The following HERC2 variants were observed in gnomAD, a reference collection of about 807,000 sequenced individuals.
HERC2 encodes the protein HECT and RLD domain containing E3 ubiquitin protein ligase 2, also known as E3 ubiquitin-protein ligase HERC2.
HERC2 carries 102 observed loss-of-function variants against 537.7 expected under a neutral mutation model. The ratio of observed to expected loss-of-function variants is 0.19; its 90% CI spans 0.16 to 0.22. HERC2 has a LOEUF of 0.22. HERC2 is among the 10% of genes least tolerant of loss of function. The pLI is 1.00. For missense variants in HERC2, 4,236 were observed against 6,198.2 expected, an observed-to-expected ratio of 0.68 and a Z score of 10.63; for synonymous variants, 2,224 against 2,466.2, an observed-to-expected ratio of 0.90 and a Z score of 2.91.
intron 78 of HERC2, among the ~76,000 whole-genome samples, chr15:28,139,885 C>T (rs971920992): frequency 3.3e-5 from 5 of 149,568 alleles, no homozygotes; most frequent in Admixed American, 6.6e-5. Context: ...ATGGCGAAAC[C>T]CCATCTCTAC....
At position 28,169,664 on chromosome 15, in the gene HERC2, G is replaced by C; in HGVS notation, c.10058-9C>G. 1 of 1,594,086 alleles carries C rather than the reference G, an allele frequency of 6.3e-7. No homozygotes were observed. Among genetic ancestry groups the C allele is most frequent in the Middle Eastern group, 1.7e-4 (1 of 5,952 alleles). On this transcript the variant is annotated splice_polypyrimidine_tract_variant and intron_variant, in intron 65 of 92. Transcript: ENST00000261609. Reference sequence around the variant, plus strand: ...AGCATCTGAAGGCACGCCTATAAGAGGAAAATAAAATTTGCATTGTTTTTA... The same window carrying C: ...AGCATCTGAAGGCACGCCTATAAGACGAAAATAAAATTTGCATTGTTTTTA...
In HERC2 at chr15:28,263,110, C is replaced by G. The variant is rs1196287512; in HGVS notation, c.1930G>C (p.Gly644Arg). 1 of 1,614,076 alleles carries G rather than the reference C, an allele frequency of 6.2e-7. No homozygotes were observed. Among genetic ancestry groups the G allele is most frequent in the Non-Finnish European group, 8.5e-7 (1 of 1,180,022 alleles). ...TCAATCAGCTTTGGGGTTTTGCAGCCATCACTACCACCTCTGCCCAATTTC... is the reference window on the plus strand; with the variant it reads ...TCAATCAGCTTTGGGGTTTTGCAGCGATCACTACCACCTCTGCCCAATTTC... The part of the protein sequence containing the change: ...YGKLGRGGSD[G>R]CKTPKLIEKL... The change falls in exon 15 of 93, where the codon GGC becomes CGC. Residue 644 changes from glycine to arginine, a missense_variant. Physicochemically the swap from Gly to Arg is moderately radical, Grantham distance 125 (BLOSUM62 -2). This residue lies in a region of HERC2 where 754 missense variants were observed against 1,085.0 expected (regional missense o/e 0.69). Coordinates refer to ENST00000261609, the MANE Select transcript of HERC2 (RefSeq NM_004667.6).
chr15:28,128,528 A>G (rs1277529959), intron 83 of HERC2, among the ~76,000 whole-genome samples: 1 of 152,264 alleles, frequency 6.6e-6, no homozygotes. Context: ...TACAGGCCAC[A>G]GAAGTTGCTC....
At chr15:28,314,050 T>C (rs886346118) in intron 2 of HERC2, among the ~76,000 whole-genome samples, 3 of 152,162 alleles carry the variant, frequency 2.0e-5, no homozygotes, top group African/African-American at 7.2e-5. Context: ...TCGCATTCTC[T>C]CAATTTCCAA....
intron 65 of HERC2, among the ~76,000 whole-genome samples, chr15:28,169,931 T>C (rs1894525296): frequency 6.6e-6 from 1 of 152,232 alleles, no homozygotes; most frequent in South Asian, 2.1e-4. Flanking sequence ...GTTATATACA[T>C]ATAAACTATG....
In HERC2 at chr15:28,111,664, C is replaced by G. The variant is rs577786319; in HGVS notation, c.*99G>C. On this transcript the variant is annotated 3_prime_UTR_variant, in exon 93 of 93. Transcript: ENST00000261609. ...TCCTCCCGCCTGGCTCGAGGACGGA[C>G]GCTTCTCATCAGACACACCAGGCAG... is the stretch of plus-strand genomic sequence containing the variant. The G allele has an allele frequency of 7.6e-7, 1 of 1,320,400 alleles. No individual in the cohort carries two copies. The highest frequency in any genetic ancestry group is 2.3e-5 in the East Asian group (1 of 42,848). The allele number at this position is 1,320,400 out of a possible 1,614,324, so 81.8% of individuals were successfully genotyped here.
intron 4 of HERC2, among the ~76,000 whole-genome samples, chr15:28,283,181 T>C (rs1442045225): frequency 6.6e-6 from 1 of 152,042 alleles, no homozygotes; most frequent in Non-Finnish European, 1.5e-5. Flanking sequence ...TTCCCAAATT[T>C]GGCAAGAGAC....
At chr15:28,277,463 TAA>T (rs34192629) in intron 5 of HERC2, among the ~76,000 whole-genome samples, 3 of 137,528 alleles carry the variant, frequency 2.2e-5, no homozygotes, top group Admixed American at 7.1e-5. Context: ...CACAATTATC[TAA>T]AAAAAAAAAA....
intron 81 of HERC2, 109 bp downstream of exon 81, chr15:28,131,991 C>A (rs555032147): frequency 1.5e-5 from 14 of 926,112 alleles, no homozygotes; most frequent in African/African-American, 3.4e-5. Context: ...AAGGAGCACA[C>A]ACGGGGGACA....
At position 28,176,555 on chromosome 15, in the gene HERC2, G is replaced by A. The variant is rs1266017411; in HGVS notation, c.9559C>T (p.Arg3187Trp). The A allele has an allele frequency of 1.2e-6, 2 of 1,613,912 alleles. No homozygotes were observed. The highest frequency in any genetic ancestry group is 1.3e-5 in the African/African-American group (1 of 74,870). Residue 3187 changes from arginine to tryptophan, a missense_variant, in exon 63 of 93, where the codon CGG becomes TGG. Coordinates refer to ENST00000261609, the MANE Select transcript of HERC2 (RefSeq NM_004667.6). The surrounding 1 kb of genome is among the most constrained non-coding windows in gnomAD (Gnocchi z 5.0). ...WGDGDFGKLG[R>W]GGSEGCNIPQ... ...ATGTTACAGCCTTCACTTCCGCCCC[G>A]GCCCAGTTTTCCAAAGTCACCATCA...
intron 23 of HERC2, among the ~76,000 whole-genome samples, chr15:28,242,441 C>T (rs1179400776): frequency 3.3e-5 from 5 of 152,160 alleles, no homozygotes; most frequent in Non-Finnish European, 7.3e-5. Context: ...GTGTTTCCCT[C>T]GACAAACTAA....
chr15:28,173,766 G>A (rs1410655989), intron 65 of HERC2, among the ~76,000 whole-genome samples: 2 of 144,388 alleles, frequency 1.4e-5, no homozygotes, highest in Non-Finnish European at 3.0e-5. Context: ...TCGTGCCACT[G>A]CACTCCAGAG....
In HERC2 at chr15:28,116,791, T is replaced by G; in HGVS notation, c.13483A>C (p.Asn4495His). 19 of 1,613,972 alleles carry G rather than the reference T, an allele frequency of 1.2e-5. No homozygotes were observed. The highest frequency in any genetic ancestry group is 1.6e-5 in the Non-Finnish European group (19 of 1,180,004). Reference sequence around the variant, plus strand: ...ACGATCAGCAGGGGCGTGAGTCCGTTCTGCAGCTCCTCACAGATCTCAGCT... The same window carrying G: ...ACGATCAGCAGGGGCGTGAGTCCGTGCTGCAGCTCCTCACAGATCTCAGCT... ...SIAEICEELQ[N>H]GLTPLLIVTP... The change falls in exon 88 of 93, where the codon AAC (asparagine) becomes CAC (histidine). Residue 4495 changes from asparagine to histidine, a missense_variant. Physicochemically the swap from Asn to His is moderately conservative, Grantham distance 68 (BLOSUM62 1). Coordinates refer to ENST00000261609, the MANE Select transcript of HERC2 (RefSeq NM_004667.6).
intron 10 of HERC2, among the ~76,000 whole-genome samples, chr15:28,270,109 A>G (rs1316228348): frequency 6.6e-6 from 1 of 152,030 alleles, no homozygotes; most frequent in Non-Finnish European, 1.5e-5. Context: ...TTACAGGCAT[A>G]TGCCACCATG....
intron 3 of HERC2, among the ~76,000 whole-genome samples, chr15:28,298,863 C>T (rs1243751484): frequency 6.6e-6 from 1 of 152,050 alleles, no homozygotes; most frequent in African/African-American, 2.4e-5. Flanking sequence ...GCTATTTCAA[C>T]TTAGAATAAA....
chr15:28,261,205 T>C (rs1596341885), intron 15 of HERC2, among the ~76,000 whole-genome samples: 1 of 152,288 alleles, frequency 6.6e-6, no homozygotes, highest in East Asian at 1.9e-4. Context: ...AATACTAGGA[T>C]ACAAAAAGGA....
intron 2 of HERC2, among the ~76,000 whole-genome samples, chr15:28,313,795 A>G (rs1411298496): frequency 6.6e-6 from 1 of 152,214 alleles, no homozygotes; most frequent in Non-Finnish European, 1.5e-5. Flanking sequence ...TCCTAGAAGC[A>G]GTAAGATAGT....
chr15:28,212,129 A>C (rs1899309020), intron 43 of HERC2, among the ~76,000 whole-genome samples: 1 of 152,150 alleles, frequency 6.6e-6, no homozygotes, highest in Non-Finnish European at 1.5e-5. Flanking sequence ...TGACTGGGCC[A>C]CAGGGCCCTG....
rs111584549 is a variant in HERC2 at position 28,268,840 on chromosome 15, G to C, written c.1447-224C>G. On this transcript the variant is annotated intron_variant, in intron 11 of 92. Transcript: ENST00000261609. This position sits in a 1 kb window ranked among gnomAD's most constrained non-coding sequence, Gnocchi z 4.7. ...TGCAGCAAGACCAGAGCCGATGCAG[G>C]GGCAGGGCAGGCTAGCCCCATGCCA... Among the ~76,000 whole-genome samples, 598 of 152,264 alleles carry C rather than the reference G, an allele frequency of 3.9e-3. 4 individuals carry two copies. The highest frequency in any genetic ancestry group is 0.014 in the African/African-American group (567 of 41,572).
Sources: gnomAD v4.1 joint callset for allele counts (sites outside exome capture counted in the v4.1 genomes callset) on GRCh38, gnomAD v4.1.1 for gene constraint, gnomAD v4.1.1 regional missense constraint, Gnocchi (gnomAD v3.1) non-coding constraint, MANE v1.5 for transcripts, NCBI Gene and HGNC (gene_info 2026-07-23, HGNC 2026-07-21) for gene names.